INPP4B: variants seen among roughly 807,000 people sequenced by gnomAD.
INPP4B encodes the protein inositol polyphosphate-4-phosphatase type II B.
INPP4B carries 55 observed loss-of-function variants against 122.5 expected under a neutral mutation model. The observed-to-expected ratio is 0.45, with a 90% CI of 0.36 to 0.56. The LOEUF (loss-of-function observed/expected upper bound fraction) is 0.56. INPP4B is among the 20% of genes least tolerant of loss of function. The pLI, the probability that INPP4B is intolerant of heterozygous loss-of-function variation, is 0.00. For missense variants in INPP4B, 1,000 were observed against 1,097.7 expected, an observed-to-expected ratio of 0.91 and a Z score of 1.26; for synonymous variants, 403 against 388.7, an observed-to-expected ratio of 1.04 and a Z score of -0.43.
intron 2 of INPP4B, among the ~76,000 whole-genome samples, chr4:142,631,136 C>G (rs1160245791): frequency 6.6e-6 from 1 of 151,992 alleles, no homozygotes; most frequent in African/African-American, 2.4e-5. Context: ...ACAAGAGAAA[C>G]AGAGTAATAT....
intron 2 of INPP4B, among the ~76,000 whole-genome samples, chr4:142,588,764 T>C (rs1361873697): frequency 6.6e-6 from 1 of 151,784 alleles, no homozygotes; most frequent in Non-Finnish European, 1.5e-5. Context: ...TGTTAATTCT[T>C]CTCAAATAGG....
At chr4:142,364,861 A>G (rs1158469942) in intron 7 of INPP4B, among the ~76,000 whole-genome samples, 3 of 152,084 alleles carry the variant, frequency 2.0e-5, no homozygotes, top group Non-Finnish European at 4.4e-5. Flanking sequence ...GCAATCAACA[A>G]AGAAAATTAC....
intron 7 of INPP4B, among the ~76,000 whole-genome samples, chr4:142,361,281 C>T: frequency 6.6e-6 from 1 of 151,980 alleles, no homozygotes; most frequent in Non-Finnish European, 1.5e-5. Flanking sequence ...AGAATATCTT[C>T]AAAACCCTTT....
At chr4:142,712,813 C>T (rs1220748639) in intron 2 of INPP4B, among the ~76,000 whole-genome samples, 1 of 152,188 alleles carries the variant, frequency 6.6e-6, no homozygotes, top group Non-Finnish European at 1.5e-5. Flanking sequence ...TCAACATCCC[C>T]ACTTTATCCT....
intron 2 of INPP4B, among the ~76,000 whole-genome samples, chr4:142,579,284 C>T (rs1316942902): frequency 6.6e-6 from 1 of 151,914 alleles, no homozygotes; most frequent in African/African-American, 2.4e-5. Context: ...GGAGAAGAAA[C>T]TTGTTTTATA....
In INPP4B at chr4:142,260,475, A is replaced by G. The variant is rs540417129; in HGVS notation, c.688+17T>C. The G allele has an allele frequency of 3.3e-5, 49 of 1,497,584 alleles. 1 individual carries two copies. The South Asian group carries it at 5.6e-4, about 17-fold the overall frequency. The allele number at this position is 1,497,584 out of a possible 1,614,324, so 92.8% of individuals were successfully genotyped here. ...CATTTTTGCATGAAACTAAGTATTT[A>G]AAACTGAGTTACATACCTGAATTCA... On this transcript the variant is annotated intron_variant, in intron 11 of 25. Transcript: ENST00000262992.
At chr4:142,284,426 A>G (rs1752591283) in intron 9 of INPP4B, among the ~76,000 whole-genome samples, 1 of 152,156 alleles carries the variant, frequency 6.6e-6, no homozygotes, top group Non-Finnish European at 1.5e-5. Flanking sequence ...GAGTTTTTGT[A>G]TAATAACAGG....
At chr4:142,831,692 A>G (rs548457257) in intron 1 of INPP4B, among the ~76,000 whole-genome samples, 2 of 152,310 alleles carry the variant, frequency 1.3e-5, no homozygotes, top group East Asian at 3.9e-4. Flanking sequence ...TTAAGCCTTT[A>G]TGTTGAATAA....
chr4:142,362,262 A>G (rs1322260762), intron 7 of INPP4B, among the ~76,000 whole-genome samples: 2 of 152,028 alleles, frequency 1.3e-5, no homozygotes, highest in Non-Finnish European at 2.9e-5. Flanking sequence ...GGTGCAAACA[A>G]ATATATCATG....
Position 142,678,954 on chromosome 4 carries a change from G to A in INPP4B, c.-191+46885C>T, listed in dbSNP as rs564365323. On this transcript the variant is annotated intron_variant, in intron 2 of 25. Transcript: ENST00000262992. ...CCTTAACAATTCCTTTCAGTAATAAGACTGGGGAAATTATTCTACTGTTCT... is the reference window on the plus strand; with the variant it reads ...CCTTAACAATTCCTTTCAGTAATAAAACTGGGGAAATTATTCTACTGTTCT... Among the ~76,000 whole-genome samples the A allele has an allele frequency of 4.6e-5, 7 of 151,736 alleles. No individual in the cohort carries two copies. The South Asian group carries it at 1.5e-3, about 32-fold the overall frequency.
intron 2 of INPP4B, among the ~76,000 whole-genome samples, chr4:142,669,656 A>G (rs923935097): frequency 5.9e-5 from 9 of 152,188 alleles, no homozygotes; most frequent in Non-Finnish European, 1.2e-4. Flanking sequence ...ACAAAAATCA[A>G]CTCAAAGTGG....
chr4:142,618,182 A>T (rs1269545751), intron 2 of INPP4B, among the ~76,000 whole-genome samples: 1 of 152,100 alleles, frequency 6.6e-6, no homozygotes, highest in Non-Finnish European at 1.5e-5. Context: ...GATTCAATGC[A>T]ATACCTATCA....
At chr4:142,401,595 T>C (rs1464925643) in intron 7 of INPP4B, among the ~76,000 whole-genome samples, 1 of 152,170 alleles carries the variant, frequency 6.6e-6, no homozygotes, top group Non-Finnish European at 1.5e-5. Flanking sequence ...GCCAAAACAA[T>C]AACAGCAATA....
intron 18 of INPP4B, among the ~76,000 whole-genome samples, chr4:142,130,583 T>G (rs1800776700): frequency 6.6e-6 from 1 of 152,104 alleles, no homozygotes; most frequent in African/African-American, 2.4e-5. Flanking sequence ...GAAACAAGGT[T>G]TATATTAACC....
intron 5 of INPP4B, chr4:142,423,892 C>G (rs1475390325): frequency 5.2e-6 from 2 of 382,648 alleles, no homozygotes; most frequent in Non-Finnish European, 1.0e-5. Flanking sequence ...GTAGATTAAT[C>G]AGGAATCCTA....
chr4:142,391,597 A>AAAAC (rs533084146), intron 7 of INPP4B, among the ~76,000 whole-genome samples: 1 of 152,082 alleles, frequency 6.6e-6, no homozygotes, highest in African/African-American at 2.4e-5. Flanking sequence ...AAAACAAACA[A>AAAAC]AAACAAACAA....
chr4:142,090,005 C>G (rs1053872332), intron 23 of INPP4B, among the ~76,000 whole-genome samples: 10 of 152,150 alleles, frequency 6.6e-5, no homozygotes, highest in African/African-American at 1.4e-4. Context: ...ATTGGTAGTA[C>G]TAAAACCAGC....
At chr4:142,638,061 T>C (rs1436268568) in intron 2 of INPP4B, among the ~76,000 whole-genome samples, 14 of 152,224 alleles carry the variant, frequency 9.2e-5, no homozygotes, top group Admixed American at 9.2e-4. Context: ...CTTTTTATTG[T>C]TGAGTTTTGA....
intron 1 of INPP4B, among the ~76,000 whole-genome samples, chr4:142,818,738 A>C (rs1416648207): frequency 6.6e-6 from 1 of 152,060 alleles, no homozygotes; most frequent in Non-Finnish European, 1.5e-5. Flanking sequence ...TCCTACCACC[A>C]CAACTCTGTC....
Sources: allele counts gnomAD v4.1 joint callset (sites outside exome capture counted in the v4.1 genomes callset), GRCh38; gene constraint gnomAD v4.1.1; transcripts MANE v1.5; gene names NCBI Gene and HGNC (gene_info 2026-07-23, HGNC 2026-07-21).